Variants in DARS2 observed in about 807,000 individuals in gnomAD.
DARS2 encodes the protein aspartyl-tRNA synthetase 2, mitochondrial.
In DARS2, 63 loss-of-function variants were observed where a neutral mutation model predicts 83.0. The ratio of observed to expected loss-of-function variants is 0.76; its 90% CI spans 0.62 to 0.94. The LOEUF (loss-of-function observed/expected upper bound fraction) is 0.94. Among genes scored for constraint, DARS2 ranks in the 40% least tolerant of loss-of-function variants. The pLI is 0.00. For synonymous variants in DARS2, 250 were observed against 269.3 expected (o/e 0.93, Z 0.70); for missense variants, 675 against 774.4 (o/e 0.87, Z 1.52).
At chr1:173,834,755 T>C (rs1652928124) in intron 7 of DARS2, among the ~76,000 whole-genome samples, 1 of 109,174 alleles carries the variant, frequency 9.2e-6, no homozygotes, top group Non-Finnish European at 2.0e-5. Flanking sequence ...TTTTTTTTTT[T>C]TTGGTTTGTT....
At chr1:173,825,982 G>A (rs951099742) in intron 1 of DARS2, among the ~76,000 whole-genome samples, 1 of 151,288 alleles carries the variant, frequency 6.6e-6, no homozygotes, top group Non-Finnish European at 1.5e-5. Flanking sequence ...CAGCACTTTG[G>A]GAGGTCGAGG....
chr1:173,847,292 G>A (rs1298204131), intron 12 of DARS2, among the ~76,000 whole-genome samples: 1 of 152,006 alleles, frequency 6.6e-6, no homozygotes, highest in African/African-American at 2.4e-5. Context: ...TTAAAAATTG[G>A]CAACCCTTTA....
intron 11 of DARS2, among the ~76,000 whole-genome samples, chr1:173,843,521 C>T (rs187521621): frequency 6.6e-6 from 1 of 152,288 alleles, no homozygotes; most frequent in East Asian, 1.9e-4. Context: ...GATTGCCTCA[C>T]TGCACTCCAG....
chr1:173,836,878 A>G, intron 7 of DARS2, 62 bp from the exon 8 acceptor site: 3 of 1,361,944 alleles, frequency 2.2e-6, no homozygotes, highest in Non-Finnish European at 3.1e-6. Flanking sequence ...AGTTAGTTAT[A>G]CTTTGGGTTT....
chr1:173,856,574 A>T, intron 15 of DARS2, 92 bp from the exon 16 acceptor site: 1 of 1,162,460 alleles, frequency 8.6e-7, no homozygotes, highest in Non-Finnish European at 1.3e-6. Context: ...TTTAAAACTC[A>T]ACTTTGTTTC....
chr1:173,837,272 TAAA>T (rs372381381), intron 8 of DARS2, among the ~76,000 whole-genome samples: 2 of 135,518 alleles, frequency 1.5e-5, no homozygotes, highest in African/African-American at 2.7e-5. Flanking sequence ...AGAGGGGATT[TAAA>T]AAAAAAAAAA....
intron 3 of DARS2, 64 bp from the exon 4 acceptor site, chr1:173,830,596 T>C (rs770775942): frequency 3.5e-5 from 47 of 1,329,402 alleles, no homozygotes; most frequent in Middle Eastern, 1.8e-4. Flanking sequence ...CATCTACTTA[T>C]AATTACTGAA....
rs533757662 is a variant in DARS2, at chr1:173,836,369, G to A, written c.664-571G>A. 6.7e-4 allele frequency among the ~76,000 whole-genome samples: 102 copies of A among 151,624 alleles called. 2 individuals are homozygous for A. The South Asian group carries it at 0.021, about 31-fold the overall frequency. ...AGCCTGGCCAACATGGCGAAACCCC[G>A]TCTCTACTAAAAATACAAAAATTAG... On this transcript the variant is annotated intron_variant, in intron 7 of 16. Coordinates refer to ENST00000649689, the MANE Select transcript of DARS2 (RefSeq NM_018122.5).
At chr1:173,834,441 T>A (rs750999442) in intron 6 of DARS2, 32 bp from the exon 7 acceptor site, 7 of 1,534,656 alleles carry the variant, frequency 4.6e-6, no homozygotes, top group Non-Finnish European at 6.3e-6. Flanking sequence ...CACATTCCTA[T>A]CTACTAAGTG....
intron 15 of DARS2, among the ~76,000 whole-genome samples, chr1:173,854,234 C>T (rs1466671882): frequency 2.6e-5 from 4 of 152,144 alleles, no homozygotes; most frequent in Non-Finnish European, 4.4e-5. Context: ...GCCTCGGCCT[C>T]CCAAAGTGCT....
chr1:173,857,544 A>T lies in DARS2; in HGVS notation c.1777A>T (p.Thr593Ser). The T allele has an allele frequency of 6.2e-7, 1 of 1,614,150 alleles. No homozygotes were observed. The highest frequency in any genetic ancestry group is 8.5e-7 in the Non-Finnish European group (1 of 1,180,002). ...GTTAGACAGACTGATATGCCTTGTC[A>T]CTGGATCTCCAAGCATCAGAGATGT... Reference protein sequence around the residue: ...LGLDRLICLVTGSPSIRDVIA... With the variant: ...LGLDRLICLVSGSPSIRDVIA... The change falls in exon 17 of 17, where the codon ACT (threonine) becomes TCT (serine). Residue 593 changes from threonine to serine, a missense_variant. Thr to Ser is a moderately conservative substitution (Grantham distance 58). Coordinates refer to ENST00000649689, the MANE Select transcript of DARS2 (RefSeq NM_018122.5).
intron 13 of DARS2, among the ~76,000 whole-genome samples, chr1:173,852,499 T>A (rs934529943): frequency 2.0e-5 from 3 of 152,062 alleles, no homozygotes; most frequent in Admixed American, 6.5e-5. Flanking sequence ...ACTCTTATTT[T>A]TTTTTATTTT....
At chr1:173,835,899 C>CA (rs932539949) in intron 7 of DARS2, among the ~76,000 whole-genome samples, 10 of 151,432 alleles carry the variant, frequency 6.6e-5, no homozygotes, top group Non-Finnish European at 1.3e-4. Flanking sequence ...ACTAAAAATA[C>CA]AAAAAAAATT....
intron 7 of DARS2, among the ~76,000 whole-genome samples, chr1:173,834,720 T>G: frequency 6.9e-6 from 1 of 145,974 alleles, no homozygotes; most frequent in South Asian, 2.2e-4. Flanking sequence ...TTTCTTTCCT[T>G]TGAGTTTTTT....
chr1:173,830,805 AT>A, intron 4 of DARS2, 44 bp downstream of exon 4: 1 of 1,445,344 alleles, frequency 6.9e-7, no homozygotes, highest in South Asian at 1.1e-5. Context: ...GCTTGTATGC[AT>A]TTGCACCATC....
At chr1:173,830,976 G>A (rs1479355504) in intron 4 of DARS2, among the ~76,000 whole-genome samples, 1 of 152,198 alleles carries the variant, frequency 6.6e-6, no homozygotes, top group Non-Finnish European at 1.5e-5. Context: ...GAGTACGGTG[G>A]CGTGATCTTG....
rs560543254 is a variant in DARS2 at position 173,826,211 on chromosome 1, G to A, written c.128-476G>A. Among the ~76,000 whole-genome samples, 269 of 149,090 alleles carry A rather than the reference G, an allele frequency of 1.8e-3. 1 individual carries two copies. The highest frequency in any genetic ancestry group is 2.9e-3 in the Non-Finnish European group (198 of 67,672). ...TGCACTCCAGCCTGGGCGACAGAGC[G>A]AGACTCCATCTCAAAAAAAAAAAAA... On this transcript the variant is annotated intron_variant, in intron 1 of 16. Coordinates refer to ENST00000649689, the MANE Select transcript of DARS2 (RefSeq NM_018122.5).
chr1:173,834,746 T>G (rs1238799898), intron 7 of DARS2, among the ~76,000 whole-genome samples: 20 of 130,216 alleles, frequency 1.5e-4, no homozygotes, highest in Admixed American at 5.3e-4. Flanking sequence ...TTTTTTTTTT[T>G]TTTTTTTTTT....
chr1:173,845,364 C>A, intron 12 of DARS2, 73 bp downstream of exon 12: 2 of 926,144 alleles, frequency 2.2e-6, no homozygotes, highest in Non-Finnish European at 3.5e-6. Context: ...ACTAAACTAT[C>A]ATTATCATTA....
Sources: gnomAD v4.1 joint callset for allele counts (sites outside exome capture counted in the v4.1 genomes callset) on GRCh38, gnomAD v4.1.1 for gene constraint, MANE v1.5 for transcripts, NCBI Gene and HGNC (gene_info 2026-07-23, HGNC 2026-07-21) for gene names.